The following GPC5 variants were observed in gnomAD, a reference collection of about 807,000 sequenced individuals.
The protein encoded by GPC5 is glypican-5.
In GPC5, 47 loss-of-function variants were observed where a neutral mutation model predicts 53.9. The observed-to-expected ratio is 0.87, with a 90% CI of 0.69 to 1.11. The LOEUF is 1.11. Among genes scored for constraint, GPC5 ranks in the 50% most tolerant of loss-of-function variants. The pLI is 0.00. For synonymous variants in GPC5, 286 were observed against 263.3 expected (o/e 1.09, Z -0.84); for missense variants, 748 against 713.1 (o/e 1.05, Z -0.56).
chr13:92,606,981 TA>T (rs1231170147), intron 7 of GPC5, among the ~76,000 whole-genome samples: 1 of 152,242 alleles, frequency 6.6e-6, no homozygotes, highest in African/African-American at 2.4e-5. Context: ...ATTGCTGTTA[TA>T]TTTTTAGAAT....
At chr13:92,068,873 TATA>T (rs1390686825) in intron 6 of GPC5, among the ~76,000 whole-genome samples, 2 of 151,864 alleles carry the variant, frequency 1.3e-5, no homozygotes, top group African/African-American at 2.4e-5. Flanking sequence ...CAGTGCACAA[TATA>T]ATATTATAAG....
chr13:92,704,414 A>G (rs1468219254), intron 7 of GPC5, among the ~76,000 whole-genome samples: 1 of 151,988 alleles, frequency 6.6e-6, no homozygotes, highest in Non-Finnish European at 1.5e-5. Flanking sequence ...AAAACAATTA[A>G]AAAGGAAAAT....
intron 6 of GPC5, among the ~76,000 whole-genome samples, chr13:92,100,583 ATTAG>A (rs1465749963): frequency 6.6e-6 from 1 of 152,130 alleles, no homozygotes; most frequent in Non-Finnish European, 1.5e-5. Context: ...TCCTCTTGTA[ATTAG>A]TTTTCTTTGA....
chr13:91,557,664 C>G (rs1220919274), intron 2 of GPC5, among the ~76,000 whole-genome samples: 1 of 152,136 alleles, frequency 6.6e-6, no homozygotes, highest in African/African-American at 2.4e-5. Context: ...CCCAGTATGT[C>G]ACAGAATCCT....
intron 6 of GPC5, among the ~76,000 whole-genome samples, chr13:91,922,853 T>C (rs1403526308): frequency 6.8e-6 from 1 of 146,298 alleles, no homozygotes; most frequent in Admixed American, 7.0e-5. Context: ...CACAAACTTG[T>C]GTAATTTTTC....
chr13:92,197,321 A>G lies in GPC5; in HGVS notation c.1561+52332A>G, dbSNP rs143637668. The stretch of plus-strand genomic sequence containing the variant: ...AAATAATATTGACATAAATAAGTGT[A>G]TCTACATCCGTCTATATCTATAGAA... On this transcript the variant is annotated intron_variant, in intron 7 of 7. Coordinates refer to ENST00000377067, the MANE Select transcript of GPC5 (RefSeq NM_004466.6). Among the ~76,000 whole-genome samples, 27 of 152,352 alleles carry G rather than the reference A, an allele frequency of 1.8e-4. No homozygotes were observed. In the East Asian group the frequency reaches 5.0e-3, roughly 28 times the overall value.
intron 7 of GPC5, among the ~76,000 whole-genome samples, chr13:92,832,752 A>C (rs1324379488): frequency 6.6e-6 from 1 of 152,212 alleles, no homozygotes; most frequent in East Asian, 1.9e-4. Flanking sequence ...TCACACCTGT[A>C]GTCCCCGCAC....
chr13:92,095,354 T>C (rs2041413605), intron 6 of GPC5, among the ~76,000 whole-genome samples: 1 of 152,042 alleles, frequency 6.6e-6, no homozygotes, highest in Non-Finnish European at 1.5e-5. Context: ...ATTTAATTAA[T>C]TTATTATTTT....
intron 7 of GPC5, among the ~76,000 whole-genome samples, chr13:92,352,832 C>G (rs2043490497): frequency 1.3e-5 from 2 of 152,088 alleles, no homozygotes; most frequent in South Asian, 4.1e-4. Flanking sequence ...ACTTGAAAAC[C>G]CAGCCATATT....
chr13:92,734,503 G>A (rs944471986), intron 7 of GPC5, among the ~76,000 whole-genome samples: 8 of 151,876 alleles, frequency 5.3e-5, no homozygotes, highest in Admixed American at 2.0e-4. Context: ...AAATGAAGAT[G>A]TGTGTAATGA....
At chr13:92,594,485 A>G (rs905816462) in intron 7 of GPC5, among the ~76,000 whole-genome samples, 2 of 152,192 alleles carry the variant, frequency 1.3e-5, no homozygotes, top group Non-Finnish European at 2.9e-5. Flanking sequence ...CTACATAAAG[A>G]TGGCTACCAG....
chr13:92,584,147 C>T (rs530139471), intron 7 of GPC5, among the ~76,000 whole-genome samples: 2 of 152,226 alleles, frequency 1.3e-5, no homozygotes, highest in South Asian at 4.1e-4. Flanking sequence ...AATATGGAAG[C>T]AACTTTGGAA....
At chr13:92,061,671 G>A (rs74106108) in intron 6 of GPC5, among the ~76,000 whole-genome samples, 20 of 151,878 alleles carry the variant, frequency 1.3e-4, no homozygotes, top group Non-Finnish European at 1.2e-4. Flanking sequence ...GCTGTAAATG[G>A]ACTCTATGAA....
At chr13:92,033,074 T>TGTGTGTGTGTGTGTGTGTGC (rs1491301836) in intron 6 of GPC5, among the ~76,000 whole-genome samples, 4 of 148,790 alleles carry the variant, frequency 2.7e-5, no homozygotes, top group African/African-American at 9.8e-5. Context: ...TGTGTGTGTG[T>TGTGTGTGTGTGTGTGTGTGC]GCTTCTCATT....
At chr13:92,312,538 A>G (rs2043152049) in intron 7 of GPC5, among the ~76,000 whole-genome samples, 1 of 152,190 alleles carries the variant, frequency 6.6e-6, no homozygotes, top group Admixed American at 6.5e-5. Context: ...TTCAACATAT[A>G]TTATTTTCAT....
chr13:92,548,306 A>C (rs1375448824), intron 7 of GPC5, among the ~76,000 whole-genome samples: 1 of 151,670 alleles, frequency 6.6e-6, no homozygotes, highest in African/African-American at 2.4e-5. Flanking sequence ...AAATATACCA[A>C]GCAAGAATTA....
intron 7 of GPC5, among the ~76,000 whole-genome samples, chr13:92,756,461 G>C (rs916076465): frequency 4.6e-5 from 7 of 151,912 alleles, no homozygotes; most frequent in African/African-American, 1.7e-4. Context: ...ATTCAACATA[G>C]TGTTGGAAGT....
At chr13:91,681,624 GA>G (rs1449600314) in intron 2 of GPC5, among the ~76,000 whole-genome samples, 2 of 152,160 alleles carry the variant, frequency 1.3e-5, no homozygotes, top group East Asian at 3.8e-4. Flanking sequence ...TTTGGCAGGG[GA>G]AAGAGTGGTA....
At chr13:92,624,183 C>A (rs2139120008) in intron 7 of GPC5, among the ~76,000 whole-genome samples, 1 of 152,058 alleles carries the variant, frequency 6.6e-6, no homozygotes, top group South Asian at 2.1e-4. Context: ...GATCCTCCTG[C>A]CTTGGCCCCC....
Sources: gnomAD v4.1 joint callset for allele counts (sites outside exome capture counted in the v4.1 genomes callset) on GRCh38, gnomAD v4.1.1 for gene constraint, MANE v1.5 for transcripts, NCBI Gene and HGNC (gene_info 2026-07-23, HGNC 2026-07-21) for gene names.